Variants in RPRD2 observed in about 807,000 individuals in gnomAD.
RPRD2 encodes the protein regulation of nuclear pre-mRNA domain containing 2.
A neutral mutation model predicts 104.4 loss-of-function variants in RPRD2; 12 were observed. That is an observed-to-expected ratio of 0.11 (90% CI 0.07 to 0.19). The LOEUF is 0.19. RPRD2 is among the 10% of genes least tolerant of loss of function. The pLI, the probability that RPRD2 is intolerant of heterozygous loss-of-function variation, is 1.00. For synonymous variants in RPRD2, 714 were observed against 684.9 expected, an observed-to-expected ratio of 1.04 and a Z score of -0.66; for missense variants, 1,543 against 1,790.1, an observed-to-expected ratio of 0.86 and a Z score of 2.49.
At chr1:150,388,486 T>C (rs1661803625) in intron 1 of RPRD2, among the ~76,000 whole-genome samples, 1 of 98,956 alleles carries the variant, frequency 1.0e-5, no homozygotes, top group Admixed American at 1.2e-4. Context: ...ACACTATATA[T>C]ATATACCCGC....
intron 10 of RPRD2, among the ~76,000 whole-genome samples, chr1:150,466,239 G>A (rs959966821): frequency 4.6e-5 from 7 of 151,738 alleles, no homozygotes; most frequent in African/African-American, 7.3e-5. Flanking sequence ...TTAGCCGGGC[G>A]TGGTGGCGGG....
chr1:150,473,157 C>T lies in RPRD2; in HGVS notation c.4209C>T (p.His1403=). 2 of 1,613,966 alleles carry T rather than the reference C, an allele frequency of 1.2e-6. No individual in the cohort carries two copies. Among genetic ancestry groups the T allele is most frequent in the Non-Finnish European group, 8.5e-7 (1 of 1,179,846 alleles). ...SSSGPPLGPS[H]RDTISRSGII... ...GTGGCCCCCCCTTGGGTCCCTCACA[C>T]AGAGACACCATCAGCCGGAGTGGTA... The change falls in exon 11 of 11, where the codon CAC becomes CAT. Residue 1403 remains histidine, a synonymous_variant. Coordinates refer to ENST00000369068, the MANE Select transcript of RPRD2 (RefSeq NM_015203.5).
chr1:150,436,537 C>T (rs1207559332), intron 2 of RPRD2, among the ~76,000 whole-genome samples: 5 of 151,742 alleles, frequency 3.3e-5, no homozygotes, highest in African/African-American at 1.2e-4. Flanking sequence ...GGAGGTGGAG[C>T]TTGCAGTGAG....
Position 150,450,917 on chromosome 1 carries a change from A to G in RPRD2, c.870+4516A>G, listed in dbSNP as rs201863410. Reference sequence around the variant, plus strand: ...TGAGCCACCGTGCCCCTCCAGGTGTAGTTATATAATCAGGAAATTAATTGA... The same window carrying G: ...TGAGCCACCGTGCCCCTCCAGGTGTGGTTATATAATCAGGAAATTAATTGA... On this transcript the variant is annotated intron_variant, in intron 7 of 10. Transcript: ENST00000369068. Among the ~76,000 whole-genome samples the G allele has an allele frequency of 1.1e-4, 17 of 152,064 alleles. No homozygotes were observed. In the East Asian group the frequency reaches 3.3e-3, roughly 30 times the overall value.
At position 150,375,503 on chromosome 1, in the gene RPRD2, G is replaced by A. The variant is rs587731986; in HGVS notation, c.205+10584G>A. Among the ~76,000 whole-genome samples the A allele has an allele frequency of 9.2e-5, 14 of 152,276 alleles. 1 individual carries two copies. The South Asian group carries it at 1.5e-3, about 16-fold the overall frequency. On this transcript the variant is annotated intron_variant, in intron 1 of 10. Transcript: ENST00000369068. ...TTAGTTTTGTCTGTAGAGGAGGGACGAGTGTATGTATGTGCGTAATTTTTT... is the reference window on the plus strand; with the variant it reads ...TTAGTTTTGTCTGTAGAGGAGGGACAAGTGTATGTATGTGCGTAATTTTTT...
At position 150,473,581 on chromosome 1, in the gene RPRD2, TAAAG is replaced by T. The variant is rs1205906191; in HGVS notation, c.*251_*254del. 4.3e-4 allele frequency: 68 copies of T among 157,002 alleles called. No homozygotes were observed. The highest frequency in any genetic ancestry group is 2.1e-3 in the Middle Eastern group (1 of 480). The allele number at this position is 157,002 out of a possible 1,614,324, so 9.7% of individuals were successfully genotyped here. Reference sequence around the variant, plus strand: ...TAAAAAAAAAAAAAAAAAAAAAAAGTAAAGAAACACAACCAAAGCCATTTCATTT... The same window carrying T: ...TAAAAAAAAAAAAAAAAAAAAAAAGTAAACACAACCAAAGCCATTTCATTT... On this transcript the variant is annotated 3_prime_UTR_variant, in exon 11 of 11. Transcript: ENST00000369068.
chr1:150,412,581 C>T (rs1313698730), intron 1 of RPRD2, among the ~76,000 whole-genome samples: 1 of 152,030 alleles, frequency 6.6e-6, no homozygotes, highest in Non-Finnish European at 1.5e-5. Context: ...GTGAGTAATT[C>T]ATTAAAGATG....
At chr1:150,398,048 C>T (rs1464444827) in intron 1 of RPRD2, among the ~76,000 whole-genome samples, 1 of 151,950 alleles carries the variant, frequency 6.6e-6, no homozygotes, top group Admixed American at 6.6e-5. Context: ...AGTGCAGTGG[C>T]ATGATCTTGT....
rs368031878 is a variant in RPRD2, at chr1:150,471,902, C to T, written c.2954C>T (p.Thr985Met). 15 of 1,613,868 alleles carry T rather than the reference C, an allele frequency of 9.3e-6. No individual in the cohort carries two copies. The highest frequency in any genetic ancestry group is 4.4e-5 in the South Asian group (4 of 91,086). ...CCGCAGAACACCCTTGCCGCTCCCA[C>T]GGGTCACCCACCCACGTCAGGCGTG... is the stretch of plus-strand genomic sequence containing the variant. ...FSPQNTLAAPTGHPPTSGVEK... is the reference protein window; with the variant it reads ...FSPQNTLAAPMGHPPTSGVEK... The change falls in exon 11 of 11, where the codon ACG becomes ATG. Residue 985 changes from threonine (T) to methionine (M), a missense_variant. Around this residue, in one of 4 missense-constraint regions of RPRD2, gnomAD observed 880 missense variants for 885.6 expected, o/e 0.99. Transcript: ENST00000369068. This position sits in a 1 kb window ranked among gnomAD's most constrained non-coding sequence, Gnocchi z 5.3.
Position 150,471,401 on chromosome 1 carries a change from A to G in RPRD2, c.2453A>G (p.Gln818Arg). The G allele has an allele frequency of 6.2e-7, 1 of 1,613,884 alleles. No individual in the cohort carries two copies. Among genetic ancestry groups the G allele is most frequent in the Non-Finnish European group, 8.5e-7 (1 of 1,179,874 alleles). ...CCATCTTCCCTGATGGACTCTTCAC[A>G]GGAAAAGTTCTACCCAGATACTTCT... is the stretch of plus-strand genomic sequence containing the variant. Reference protein sequence around the residue: ...ERPSSLMDSSQEKFYPDTSFQ... With the variant: ...ERPSSLMDSSREKFYPDTSFQ... The change falls in exon 11 of 11, where the codon CAG (glutamine) becomes CGG (arginine). Residue 818 changes from glutamine to arginine, a missense_variant. By Grantham distance (43) the Gln-to-Arg change is conservative (BLOSUM62 1). Coordinates refer to ENST00000369068, the MANE Select transcript of RPRD2 (RefSeq NM_015203.5). The surrounding 1 kb of genome is among the most constrained non-coding windows in gnomAD (Gnocchi z 5.3).
chr1:150,446,559 C>T (rs1459714169), intron 7 of RPRD2, among the ~76,000 whole-genome samples, 158 bp downstream of exon 7: 1 of 152,134 alleles, frequency 6.6e-6, no homozygotes, highest in Non-Finnish European at 1.5e-5. Flanking sequence ...CACCTGTAAT[C>T]CCAGCACTTT....
intron 1 of RPRD2, among the ~76,000 whole-genome samples, chr1:150,372,248 C>A (rs1553878549): frequency 6.6e-6 from 1 of 152,078 alleles, no homozygotes; most frequent in African/African-American, 2.4e-5. Flanking sequence ...CAATATTTAT[C>A]AAACACCTAC....
At chr1:150,443,391 T>C (rs2102362265) in intron 5 of RPRD2, 108 bp downstream of exon 5, 1 of 823,626 alleles carries the variant, frequency 1.2e-6, no homozygotes, top group East Asian at 2.8e-5. Context: ...ACACATGTCA[T>C]GTTTTAAACA....
intron 7 of RPRD2, among the ~76,000 whole-genome samples, chr1:150,446,833 C>CTT (rs782290005): frequency 0.051 from 6,441 of 127,398 alleles, 272 homozygotes; most frequent in Admixed American, 0.094. Flanking sequence ...AGACCTGGGT[C>CTT]TTTTTTTTTT....
intron 9 of RPRD2, among the ~76,000 whole-genome samples, chr1:150,462,051 A>G (rs1380877528): frequency 6.6e-6 from 1 of 151,998 alleles, no homozygotes; most frequent in Non-Finnish European, 1.5e-5. Flanking sequence ...TGGGAGGCCA[A>G]GGCAGGCGGA....
At chr1:150,432,470 G>A (rs896891871) in intron 2 of RPRD2, among the ~76,000 whole-genome samples, 10 of 152,014 alleles carry the variant, frequency 6.6e-5, no homozygotes, top group Non-Finnish European at 1.5e-4. Flanking sequence ...TGGAGCCTTT[G>A]GGAGGTGATG....
intron 6 of RPRD2, 128 bp downstream of exon 6, chr1:150,444,505 C>T: frequency 1.2e-6 from 1 of 823,070 alleles, no homozygotes; most frequent in Non-Finnish European, 1.8e-6. Flanking sequence ...CTCTGGTTTC[C>T]CAGGTAGTTA....
At chr1:150,421,632 TATAA>T (rs1424081962) in intron 2 of RPRD2, among the ~76,000 whole-genome samples, 27 of 152,266 alleles carry the variant, frequency 1.8e-4, no homozygotes, top group African/African-American at 6.5e-4. Context: ...TACTCTTGCT[TATAA>T]ATAAATAAAT....
chr1:150,443,687 G>T (rs781966815), intron 5 of RPRD2, among the ~76,000 whole-genome samples: 1 of 152,130 alleles, frequency 6.6e-6, no homozygotes, highest in Non-Finnish European at 1.5e-5. Context: ...TTAGCTTTGT[G>T]TAATGAAGGA....
Sources: allele counts gnomAD v4.1 joint callset (sites outside exome capture counted in the v4.1 genomes callset), GRCh38; gene constraint gnomAD v4.1.1; regional missense constraint gnomAD v4.1.1; non-coding constraint Gnocchi (gnomAD v3.1); transcripts MANE v1.5; gene names NCBI Gene and HGNC (gene_info 2026-07-23, HGNC 2026-07-21).